Variants in MIPOL1 observed in about 807,000 individuals in gnomAD.
The protein encoded by MIPOL1 is mirror-image polydactyly gene 1 protein.
In MIPOL1, 57 loss-of-function variants were observed where a neutral mutation model predicts 60.9. The observed-to-expected ratio is 0.94, with a 90% CI of 0.76 to 1.17. The LOEUF is 1.17. MIPOL1 is among the 50% of genes most tolerant of loss of function. The probability of loss-of-function intolerance (pLI) is 0.00; values close to 1 mark genes in which losing one functional copy is unlikely to be tolerated. For synonymous variants in MIPOL1, 179 were observed against 168.8 expected (o/e 1.06, Z -0.47); for missense variants, 551 against 511.6 (o/e 1.08, Z -0.74).
At chr14:37,506,077 A>G (rs901949780) in intron 12 of MIPOL1, 1 of 152,188 alleles carries the variant, frequency 6.6e-6, no homozygotes, top group African/African-American at 2.4e-5. Context: ...GAGAGCTACA[A>G]ACCACTGCTC....
At chr14:37,395,066 T>G (rs562041941) in intron 10 of MIPOL1, among the ~76,000 whole-genome samples, 1 of 152,310 alleles carries the variant, frequency 6.6e-6, no homozygotes, top group South Asian at 2.1e-4. Context: ...GAAGATCAGT[T>G]GGCTATATTT....
At position 37,405,397 on chromosome 14, in the gene MIPOL1, C is replaced by G. The variant is rs1595623608; in HGVS notation, c.937-17458C>G. On this transcript the variant is annotated intron_variant, in intron 10 of 12. Transcript: ENST00000684589. Reference sequence around the variant, plus strand: ...CAAAGCCTCTTCCTTTGGTTAAAAACCATTTTAATTGTCATCTCTTAAAAA... The same window carrying G: ...CAAAGCCTCTTCCTTTGGTTAAAAAGCATTTTAATTGTCATCTCTTAAAAA... 3.3e-5 allele frequency among the ~76,000 whole-genome samples: 5 copies of G among 152,188 alleles called. No homozygotes were observed. The East Asian group carries it at 9.6e-4, about 29-fold the overall frequency.
intron 9 of MIPOL1, among the ~76,000 whole-genome samples, chr14:37,364,186 T>A (rs895458014): frequency 1.3e-5 from 2 of 152,232 alleles, no homozygotes; most frequent in Non-Finnish European, 2.9e-5. Context: ...GTACTTTAGT[T>A]GGAAATGCAG....
chr14:37,225,268 C>T (rs1042605764), intron 1 of MIPOL1, among the ~76,000 whole-genome samples: 2 of 152,158 alleles, frequency 1.3e-5, no homozygotes, highest in Non-Finnish European at 2.9e-5. Context: ...CAAGGTGGTG[C>T]CCCAGTAGGA....
At chr14:37,410,548 G>T (rs971260507) in intron 10 of MIPOL1, among the ~76,000 whole-genome samples, 3 of 152,068 alleles carry the variant, frequency 2.0e-5, no homozygotes, top group African/African-American at 7.2e-5. Flanking sequence ...GTTCTATAAG[G>T]AACCTCCCAA....
intron 7 of MIPOL1, among the ~76,000 whole-genome samples, chr14:37,288,606 C>A (rs1180228149): frequency 6.6e-6 from 1 of 151,938 alleles, no homozygotes; most frequent in African/African-American, 2.4e-5. Flanking sequence ...GAGTTCAAGA[C>A]CATTGTGGGC....
chr14:37,406,258 A>G (rs574386262), intron 10 of MIPOL1, among the ~76,000 whole-genome samples: 41 of 152,244 alleles, frequency 2.7e-4, no homozygotes, highest in African/African-American at 9.4e-4. Flanking sequence ...AAGAAATTCT[A>G]CCCAGGTGCT....
chr14:37,328,843 G>C (rs2089430734), intron 9 of MIPOL1, among the ~76,000 whole-genome samples: 1 of 152,178 alleles, frequency 6.6e-6, no homozygotes, highest in South Asian at 2.1e-4. Flanking sequence ...TGTGAGAGAA[G>C]GAGCATGCTC....
chr14:37,404,528 C>G (rs1325332763), intron 10 of MIPOL1, among the ~76,000 whole-genome samples: 1 of 152,152 alleles, frequency 6.6e-6, no homozygotes, highest in Non-Finnish European at 1.5e-5. Flanking sequence ...AAATAAAAGC[C>G]TGCAGAATGT....
At chr14:37,419,625 G>A in intron 10 of MIPOL1, among the ~76,000 whole-genome samples, 1 of 152,100 alleles carries the variant, frequency 6.6e-6, no homozygotes, top group Non-Finnish European at 1.5e-5. Flanking sequence ...TATAGTAAAA[G>A]TATAAAATAT....
intron 10 of MIPOL1, among the ~76,000 whole-genome samples, chr14:37,406,810 T>G (rs1595630945): frequency 1.3e-5 from 2 of 152,280 alleles, no homozygotes; most frequent in East Asian, 3.9e-4. Context: ...ACATTAAAAG[T>G]GGTAAATCTC....
In MIPOL1 at chr14:37,258,868, T is replaced by C. The variant is rs143808396; in HGVS notation, c.20-8070T>C. On this transcript the variant is annotated intron_variant, in intron 3 of 12. Transcript: ENST00000684589. Reference sequence around the variant, plus strand: ...CAAACAAAAACTTAAAAAAAATTTGTGGCATCACCACTTTAAATAGCTGTT... The same window carrying C: ...CAAACAAAAACTTAAAAAAAATTTGCGGCATCACCACTTTAAATAGCTGTT... Among the ~76,000 whole-genome samples the C allele has an allele frequency of 5.1e-3, 770 of 152,008 alleles. 5 individuals are homozygous for C. Among genetic ancestry groups the C allele is most frequent in the African/African-American group, 0.017 (723 of 41,508 alleles).
At chr14:37,399,960 C>G (rs532564311) in intron 10 of MIPOL1, 1 of 152,236 alleles carries the variant, frequency 6.6e-6, no homozygotes, top group East Asian at 1.9e-4. Flanking sequence ...CTGGAAAACT[C>G]TAATATTGTA....
At chr14:37,201,350 T>C (rs1965311712) in intron 1 of MIPOL1, among the ~76,000 whole-genome samples, 1 of 152,172 alleles carries the variant, frequency 6.6e-6, no homozygotes, top group South Asian at 2.1e-4. Flanking sequence ...TCTCCCACTT[T>C]CTTCTCACCC....
chr14:37,426,365 C>T lies in MIPOL1; in HGVS notation c.1031+3416C>T, dbSNP rs181682468. Among the ~76,000 whole-genome samples the T allele has an allele frequency of 1.3e-3, 202 of 151,338 alleles. 2 individuals carry two copies. In the East Asian group the frequency reaches 0.033, roughly 24 times the overall value. On this transcript the variant is annotated intron_variant, in intron 11 of 12. Coordinates refer to ENST00000684589, the MANE Select transcript of MIPOL1 (RefSeq NM_001388067.1). ...GGCAGATCACCTGAGGTCAGGAGTT[C>T]AAGACCACCCTGGCCAACATGATGA...
At chr14:37,224,699 T>G (rs531618826) in intron 1 of MIPOL1, among the ~76,000 whole-genome samples, 10 of 152,186 alleles carry the variant, frequency 6.6e-5, no homozygotes, top group African/African-American at 2.4e-4. Context: ...ATCCAAACCA[T>G]ATCGTTCCAC....
intron 1 of MIPOL1, among the ~76,000 whole-genome samples, chr14:37,211,207 G>T (rs1833558825): frequency 9.9e-6 from 1 of 101,482 alleles, no homozygotes; most frequent in African/African-American, 3.9e-5. Flanking sequence ...CCCCAGACAA[G>T]GACACCAAGT....
intron 3 of MIPOL1, among the ~76,000 whole-genome samples, chr14:37,258,089 A>G (rs1885073469): frequency 1.3e-5 from 2 of 152,162 alleles, no homozygotes; most frequent in African/African-American, 4.8e-5. Context: ...TCAAAAGACC[A>G]AACACAATCA....
intron 11 of MIPOL1, among the ~76,000 whole-genome samples, chr14:37,497,486 C>T (rs2095149692): frequency 6.6e-6 from 1 of 152,192 alleles, no homozygotes; most frequent in South Asian, 2.1e-4. Flanking sequence ...AAAAGCATTG[C>T]CATTAAAGAA....
Sources: allele counts gnomAD v4.1 joint callset (sites outside exome capture counted in the v4.1 genomes callset), GRCh38; gene constraint gnomAD v4.1.1; transcripts MANE v1.5; gene names NCBI Gene and HGNC (gene_info 2026-07-23, HGNC 2026-07-21).